COL23A1: variants seen among roughly 807,000 people sequenced by gnomAD.
COL23A1 encodes the protein collagen alpha-1(XXIII) chain.
In COL23A1, 97 loss-of-function variants were observed where a neutral mutation model predicts 99.3. The observed-to-expected ratio is 0.98, with a 90% CI of 0.83 to 1.16. The LOEUF is 1.16. COL23A1 is among the 50% of genes most tolerant of loss of function. The pLI, the probability that COL23A1 is intolerant of heterozygous loss-of-function variation, is 0.00. For synonymous variants in COL23A1, 320 were observed against 308.2 expected (o/e 1.04, Z -0.40); for missense variants, 762 against 757.4 (o/e 1.01, Z -0.07).
chr5:178,474,700 A>C (rs527270787), intron 2 of COL23A1, among the ~76,000 whole-genome samples: 1 of 152,210 alleles, frequency 6.6e-6, no homozygotes, highest in Admixed American at 6.5e-5. Flanking sequence ...TCCAGGCACC[A>C]GTTTAGGTAC....
chr5:178,489,408 C>T (rs1323029821), intron 2 of COL23A1, among the ~76,000 whole-genome samples: 3 of 152,254 alleles, frequency 2.0e-5, no homozygotes, highest in African/African-American at 7.2e-5. Flanking sequence ...CAGACTTGGA[C>T]TGAGCCACGT....
intron 2 of COL23A1, among the ~76,000 whole-genome samples, chr5:178,337,313 A>G (rs1195041518): frequency 6.6e-6 from 1 of 152,234 alleles, no homozygotes; most frequent in African/African-American, 2.4e-5. Flanking sequence ...CCCGGGAAGG[A>G]GCAGAGGTTC....
chr5:178,425,925 C>T (rs976540346), intron 2 of COL23A1, among the ~76,000 whole-genome samples: 26 of 152,182 alleles, frequency 1.7e-4, no homozygotes, highest in African/African-American at 3.4e-4. Context: ...CAGCCGCTCC[C>T]GATGGACTTG....
intron 2 of COL23A1, among the ~76,000 whole-genome samples, chr5:178,456,558 C>T (rs181967953): frequency 2.6e-5 from 4 of 152,084 alleles, no homozygotes; most frequent in South Asian, 2.1e-4. Flanking sequence ...ATTAGCTGGG[C>T]GTGGTGGCGA....
chr5:178,486,414 G>A (rs971591589), intron 2 of COL23A1, among the ~76,000 whole-genome samples: 3 of 152,218 alleles, frequency 2.0e-5, no homozygotes, highest in Non-Finnish European at 2.9e-5. Flanking sequence ...AGGGTGAACC[G>A]TGATGAGAAG....
chr5:178,557,631 G>C (rs1425639544), intron 2 of COL23A1, among the ~76,000 whole-genome samples: 2 of 152,190 alleles, frequency 1.3e-5, no homozygotes, highest in Admixed American at 1.3e-4. Flanking sequence ...GACTCCCCGG[G>C]CTGCTAGGTG....
At chr5:178,527,412 C>A (rs896927911) in intron 2 of COL23A1, among the ~76,000 whole-genome samples, 5 of 152,188 alleles carry the variant, frequency 3.3e-5, no homozygotes, top group Admixed American at 6.5e-5. Flanking sequence ...CAGCGGTTGA[C>A]CCCCTCATCT....
chr5:178,335,972 T>C (rs1322148972), intron 2 of COL23A1, among the ~76,000 whole-genome samples: 1 of 152,244 alleles, frequency 6.6e-6, no homozygotes, highest in Non-Finnish European at 1.5e-5. Context: ...GTGGCTATGT[T>C]TGGTGTCTGT....
chr5:178,507,817 C>A (rs576681153), intron 2 of COL23A1, among the ~76,000 whole-genome samples: 2 of 152,224 alleles, frequency 1.3e-5, no homozygotes, highest in East Asian at 3.9e-4. Flanking sequence ...TTTTGTTTAT[C>A]GTATTTTGGA....
At chr5:178,388,344 C>T (rs1341845917) in intron 2 of COL23A1, among the ~76,000 whole-genome samples, 1 of 152,218 alleles carries the variant, frequency 6.6e-6, no homozygotes, top group African/African-American at 2.4e-5. Flanking sequence ...CTTACGTTCC[C>T]TCTTCTCAAA....
At chr5:178,565,071 C>G (rs1235513619) in intron 1 of COL23A1, among the ~76,000 whole-genome samples, 1 of 152,176 alleles carries the variant, frequency 6.6e-6, no homozygotes, top group East Asian at 1.9e-4. Context: ...ATTATGAAGA[C>G]TGTGTAGCAA....
In COL23A1 at chr5:178,329,930, C is replaced by T. The variant is rs80343893; in HGVS notation, c.362-23011G>A. Among the ~76,000 whole-genome samples the T allele has an allele frequency of 7.1e-3, 811 of 114,576 alleles. 7 individuals are homozygous for T. Among genetic ancestry groups the T allele is most frequent in the African/African-American group, 0.028 (778 of 28,188 alleles). 75.2% of individuals were successfully genotyped at this position (114,576 alleles called of 152,430 possible). On this transcript the variant is annotated intron_variant, in intron 2 of 28. Coordinates refer to ENST00000390654, the MANE Select transcript of COL23A1 (RefSeq NM_173465.4). ...CCAGCGTGGATGACACAGTGAGATT[C>T]TGTCTCAAAAAAAAAAAAAAAAGAA...
intron 2 of COL23A1, among the ~76,000 whole-genome samples, chr5:178,484,907 G>C (rs933966256): frequency 6.6e-6 from 1 of 150,662 alleles, no homozygotes; most frequent in Non-Finnish European, 1.5e-5. Flanking sequence ...TATTTGTAAA[G>C]AGTCCAGCAT....
In COL23A1 at chr5:178,310,897, C is replaced by A. The variant is rs1758634153; in HGVS notation, c.362-3978G>T. Reference sequence around the variant, plus strand: ...ACCTTTCCTGCTGCTGCCTGAGACTCAGACACTCAGGAAGGCACTGGGAGT... The same window carrying A: ...ACCTTTCCTGCTGCTGCCTGAGACTAAGACACTCAGGAAGGCACTGGGAGT... On this transcript the variant is annotated intron_variant, in intron 2 of 28. Coordinates refer to ENST00000390654, the MANE Select transcript of COL23A1 (RefSeq NM_173465.4). This position sits in a 1 kb window ranked among gnomAD's most constrained non-coding sequence, Gnocchi z 4.3. Among the ~76,000 whole-genome samples, 1 of 152,130 alleles carries A rather than the reference C, an allele frequency of 6.6e-6. No individual in the cohort carries two copies. The highest frequency in any genetic ancestry group is 1.5e-5 in the Non-Finnish European group (1 of 68,034).
At chr5:178,297,192 T>C (rs1388119523) in intron 3 of COL23A1, among the ~76,000 whole-genome samples, 1 of 152,246 alleles carries the variant, frequency 6.6e-6, no homozygotes, top group East Asian at 1.9e-4. Context: ...TGCCACTGCC[T>C]TGGACAAACC....
intron 2 of COL23A1, among the ~76,000 whole-genome samples, chr5:178,536,566 G>A (rs1760975832): frequency 6.6e-6 from 1 of 152,208 alleles, no homozygotes; most frequent in South Asian, 2.1e-4. Context: ...TCAGTCCCCT[G>A]CAAGGTCTGA....
intron 1 of COL23A1, among the ~76,000 whole-genome samples, chr5:178,573,426 T>C (rs1004389360): frequency 1.3e-5 from 2 of 152,196 alleles, no homozygotes; most frequent in African/African-American, 4.8e-5. Flanking sequence ...GCCACTTGGC[T>C]TTTCTCTAAG....
rs527978922 is a variant in COL23A1, at chr5:178,415,091, G to A, written c.362-108172C>T. On this transcript the variant is annotated intron_variant, in intron 2 of 28. Transcript: ENST00000390654. This position sits in a 1 kb window ranked among gnomAD's most constrained non-coding sequence, Gnocchi z 4.6. Reference sequence around the variant, plus strand: ...AGTTTGTGCCTCAGTTTCTCAGCACGAAACCCGGAATATGTGAGTGCTGGT... The same window carrying A: ...AGTTTGTGCCTCAGTTTCTCAGCACAAAACCCGGAATATGTGAGTGCTGGT... Among the ~76,000 whole-genome samples the A allele has an allele frequency of 1.3e-5, 2 of 152,124 alleles. No individual in the cohort carries two copies. The highest frequency in any genetic ancestry group is 2.1e-4 in the South Asian group (1 of 4,818).
chr5:178,576,787 T>A (rs1436038336), intron 1 of COL23A1, among the ~76,000 whole-genome samples: 1 of 151,770 alleles, frequency 6.6e-6, no homozygotes, highest in African/African-American at 2.4e-5. Context: ...GGCCTCTCGG[T>A]CCTGTCCTCC....
Sources: gnomAD v4.1 joint callset for allele counts (sites outside exome capture counted in the v4.1 genomes callset) on GRCh38, gnomAD v4.1.1 for gene constraint, Gnocchi (gnomAD v3.1) non-coding constraint, MANE v1.5 for transcripts, NCBI Gene and HGNC (gene_info 2026-07-23, HGNC 2026-07-21) for gene names.